Variants in JMJD1C observed in about 807,000 individuals in gnomAD.
JMJD1C encodes jumonji domain-containing protein 1C.
JMJD1C carries 31 observed loss-of-function variants against 245.3 expected under a neutral mutation model. The ratio of observed to expected loss-of-function variants is 0.13; its 90% CI spans 0.09 to 0.17. JMJD1C has a LOEUF of 0.17. Among genes scored for constraint, JMJD1C ranks in the 10% least tolerant of loss-of-function variants. The pLI, the probability that JMJD1C is intolerant of heterozygous loss-of-function variation, is 1.00. For missense variants in JMJD1C, 2,691 were observed against 3,000.2 expected (o/e 0.90, Z 2.41); for synonymous variants, 1,057 against 1,017.4 (o/e 1.04, Z -0.74).
At chr10:63,307,153 G>C (rs189995929) in intron 2 of JMJD1C, among the ~76,000 whole-genome samples, 1,629 of 151,734 alleles carry the variant, frequency 0.011, 11 homozygotes, top group Admixed American at 0.017. Flanking sequence ...CTGAGGATTC[G>C]TCTAAAATTT....
intron 1 of JMJD1C, among the ~76,000 whole-genome samples, chr10:63,451,887 A>G (rs1309180521): frequency 6.6e-6 from 1 of 152,236 alleles, no homozygotes; most frequent in Admixed American, 6.5e-5. Context: ...AGATTAACAG[A>G]TGTAAGAAAA....
In JMJD1C at chr10:63,197,558, T is replaced by G. The variant is rs188245456; in HGVS notation, c.5497A>C (p.Ile1833Leu). Residue 1833 changes from isoleucine (I) to leucine (L), a missense_variant, in exon 13 of 26, where the codon ATT (isoleucine) becomes CTT (leucine). Coordinates refer to ENST00000399262, the MANE Select transcript of JMJD1C (RefSeq NM_032776.3). Reference sequence around the variant, plus strand: ...CCTCTCACTGCTCTTTTCCAGGCAATTTTGGCTGAAATACAGAAAAAACAA... The same window carrying G: ...CCTCTCACTGCTCTTTTCCAGGCAAGTTTGGCTGAAATACAGAAAAAACAA... ...ALSWVKKDAK[I>L]AWKRAVRGVR... 1.3e-6 allele frequency: 2 copies of G among 1,516,056 alleles called. No homozygotes were observed. Among genetic ancestry groups the G allele is most frequent in the Non-Finnish European group, 1.8e-6 (2 of 1,135,162 alleles). 93.9% of individuals were successfully genotyped at this position (1,516,056 alleles called of 1,614,324 possible). A position where few individuals can be genotyped will look rare whatever the true frequency, so the allele number is the denominator to read the frequency against.
At chr10:63,238,189 A>AAAAGAAAAG (rs1554850612) in intron 3 of JMJD1C, among the ~76,000 whole-genome samples, 9 of 135,710 alleles carry the variant, frequency 6.6e-5, no homozygotes, top group African/African-American at 2.2e-4. Flanking sequence ...TCAAAAAAAA[A>AAAAGAAAAG]AAAAAAGAAA....
chr10:63,249,031 C>G (rs1852677404), intron 3 of JMJD1C, among the ~76,000 whole-genome samples: 1 of 152,142 alleles, frequency 6.6e-6, no homozygotes, highest in Admixed American at 6.5e-5. Context: ...CAAGTGGATG[C>G]TTGGCCAGGA....
chr10:63,323,439 GA>G (rs34979184), intron 2 of JMJD1C, among the ~76,000 whole-genome samples: 100,993 of 151,852 alleles, frequency 0.67, 36,166 homozygotes, highest in Non-Finnish European at 0.81. Context: ...AGAATCACTT[GA>G]ACCCAGGAGG....
At chr10:63,332,773 C>G (rs1444270390) in intron 2 of JMJD1C, among the ~76,000 whole-genome samples, 2 of 152,100 alleles carry the variant, frequency 1.3e-5, no homozygotes, top group East Asian at 3.8e-4. Context: ...GAAAGGAATT[C>G]AAAAGAATAT....
At chr10:63,383,947 G>A (rs1342124007) in intron 1 of JMJD1C, among the ~76,000 whole-genome samples, 1 of 152,072 alleles carries the variant, frequency 6.6e-6, no homozygotes, top group Non-Finnish European at 1.5e-5. Flanking sequence ...TTTCATCAAA[G>A]ATTTCCCTAG....
At chr10:63,354,823 T>C (rs1309756807) in intron 2 of JMJD1C, among the ~76,000 whole-genome samples, 1 of 134,510 alleles carries the variant, frequency 7.4e-6, no homozygotes, top group Non-Finnish European at 1.5e-5. Context: ...AAGAACAGCA[T>C]GGGCAACATG....
intron 1 of JMJD1C, among the ~76,000 whole-genome samples, chr10:63,429,555 C>T (rs946541259): frequency 2.0e-5 from 3 of 152,134 alleles, no homozygotes; most frequent in African/African-American, 7.2e-5. Flanking sequence ...AAACGAGTTG[C>T]TTTGATACAA....
chr10:63,512,097 C>T (rs1954888134), intron 1 of JMJD1C, among the ~76,000 whole-genome samples: 1 of 152,186 alleles, frequency 6.6e-6, no homozygotes, highest in African/African-American at 2.4e-5. Context: ...TCATTGCTGT[C>T]ATTCATTTCA....
At chr10:63,295,930 T>G (rs531540878) in intron 2 of JMJD1C, among the ~76,000 whole-genome samples, 41 of 94,098 alleles carry the variant, frequency 4.4e-4, no homozygotes, top group African/African-American at 1.5e-3. Context: ...TACATGTACA[T>G]GTGTATACAT....
At chr10:63,217,765 A>G (rs1035729540) in intron 4 of JMJD1C, 2 of 152,056 alleles carry the variant, frequency 1.3e-5, no homozygotes, top group African/African-American at 4.8e-5. Flanking sequence ...AAACAACTAT[A>G]AATTTTGATT....
rs1358172789 is a variant in JMJD1C, at chr10:63,213,978, G to A, written c.2189C>T (p.Ser730Leu). The change falls in exon 8 of 26, where the codon TCA becomes TTA. Residue 730 changes from serine to leucine, a missense_variant. This residue lies in a region of JMJD1C where 1,562 missense variants were observed against 1,490.7 expected (regional missense o/e 1.05). Coordinates refer to ENST00000399262, the MANE Select transcript of JMJD1C (RefSeq NM_032776.3). Reference protein sequence around the residue: ...IGSETGANHISPFLSQHPFPL... With the variant: ...IGSETGANHILPFLSQHPFPL... ...AAAAGGATGCTGGCTTAGGAAAGGT[G>A]AAATATGATTAGCTCCTGTTTCTGA... 19 of 1,614,154 alleles carry A rather than the reference G, an allele frequency of 1.2e-5. No homozygotes were observed. Among genetic ancestry groups the A allele is most frequent in the Non-Finnish European group, 1.5e-5 (18 of 1,179,998 alleles).
At chr10:63,468,583 G>A (rs1953391769), upstream of JMJD1C, among the ~76,000 whole-genome samples, 2 of 152,094 alleles carry the variant, frequency 1.3e-5, no homozygotes, top group African/African-American at 4.8e-5. Flanking sequence ...CATTATACAG[G>A]TAAAAAGAAT....
At chr10:63,414,213 C>T (rs1247540928) in intron 1 of JMJD1C, among the ~76,000 whole-genome samples, 1 of 152,030 alleles carries the variant, frequency 6.6e-6, no homozygotes, top group Non-Finnish European at 1.5e-5. Context: ...GTCTCGATCT[C>T]CTGACCTCGT....
At chr10:63,343,940 A>C (rs1212938215) in intron 2 of JMJD1C, among the ~76,000 whole-genome samples, 1 of 152,094 alleles carries the variant, frequency 6.6e-6, no homozygotes, top group Admixed American at 6.6e-5. Context: ...TGGGAGGCTG[A>C]GGTGGGAGGA....
chr10:63,403,380 T>G (rs867505677), intron 1 of JMJD1C, among the ~76,000 whole-genome samples: 9 of 152,228 alleles, frequency 5.9e-5, no homozygotes, highest in African/African-American at 2.2e-4. Context: ...CTTAAGGTCT[T>G]CACATCAGAT....
chr10:63,348,961 C>G (rs1302128383), intron 2 of JMJD1C, among the ~76,000 whole-genome samples: 2 of 151,668 alleles, frequency 1.3e-5, no homozygotes, highest in Non-Finnish European at 2.9e-5. Context: ...ATTAGCCAGG[C>G]GTGGTGGCAG....
At chr10:63,354,696 T>C (rs913298743) in intron 2 of JMJD1C, among the ~76,000 whole-genome samples, 1 of 151,612 alleles carries the variant, frequency 6.6e-6, no homozygotes, top group Non-Finnish European at 1.5e-5. Context: ...ATATTTATTT[T>C]AAAAATTTTA....
Sources: allele counts gnomAD v4.1 joint callset (sites outside exome capture counted in the v4.1 genomes callset), GRCh38; gene constraint gnomAD v4.1.1; regional missense constraint gnomAD v4.1.1; transcripts MANE v1.5; gene names NCBI Gene and HGNC (gene_info 2026-07-23, HGNC 2026-07-21).